The following TFIP11 variants were observed in gnomAD, a reference collection of about 807,000 sequenced individuals.
The protein encoded by TFIP11 is tuftelin-interacting protein 11.
A neutral mutation model predicts 96.8 loss-of-function variants in TFIP11; 86 were observed. That is an observed-to-expected ratio of 0.89 (90% CI 0.75 to 1.06). The LOEUF (loss-of-function observed/expected upper bound fraction) is 1.06, where lower values mean the gene tolerates loss of function less well. Ranked by LOEUF, TFIP11 falls within the 50% of genes least tolerant of loss-of-function variation. TFIP11 has a pLI of 0.00. For missense variants in TFIP11, 881 were observed against 1,076.7 expected (o/e 0.82, Z 2.54); for synonymous variants, 405 against 395.2 (o/e 1.02, Z -0.29).
chr22:26,503,363 T>C (rs949377659), intron 7 of TFIP11, among the ~76,000 whole-genome samples: 3 of 152,186 alleles, frequency 2.0e-5, no homozygotes, highest in Admixed American at 6.5e-5. Context: ...CCCAAAAGGT[T>C]TCCCTGACCA....
At chr22:26,510,429 A>T in intron 3 of TFIP11, 148 bp from the exon 4 acceptor site, 1 of 744,346 alleles carries the variant, frequency 1.3e-6, no homozygotes, top group Non-Finnish European at 2.2e-6. Context: ...AATAAAAAAG[A>T]TATTAAAAAC....
intron 3 of TFIP11, 95 bp from the exon 4 acceptor site, chr22:26,510,376 CTT>C: frequency 8.4e-7 from 1 of 1,193,672 alleles, no homozygotes; most frequent in Non-Finnish European, 1.2e-6. Context: ...GCTTTCAGAA[CTT>C]TCTCCAAATT....
At chr22:26,504,543 A>G (rs988338334) in intron 6 of TFIP11, among the ~76,000 whole-genome samples, 2 of 151,946 alleles carry the variant, frequency 1.3e-5, no homozygotes, top group African/African-American at 2.4e-5. Flanking sequence ...TTAGCCAGGC[A>G]CAGCAGAGTG....
rs1344472200 is a variant in TFIP11 at position 26,496,253 on chromosome 22, G to A, written c.1669C>T (p.Pro557Ser). 1 of 1,613,886 alleles carries A rather than the reference G, an allele frequency of 6.2e-7. No individual in the cohort carries two copies. Among genetic ancestry groups the A allele is most frequent in the East Asian group, 2.2e-5 (1 of 44,878 alleles). Residue 557 changes from proline to serine, a missense_variant, in exon 12 of 15, where the codon CCC becomes TCC. By Grantham distance (74) the Pro-to-Ser change is moderately conservative. Transcript: ENST00000407690. ...PIHSWIHPWL[P>S]LMQARLEPLY... ...GGCTCCAGCCGTGCCTGCATAAGGG[G>A]CAGCCATGGGTGGATCCAAGAGTGG...
intron 11 of TFIP11, 85 bp downstream of exon 11, chr22:26,496,636 T>C (rs1922091795): frequency 1.3e-6 from 2 of 1,504,530 alleles, no homozygotes; most frequent in Non-Finnish European, 1.8e-6. Context: ...CCAGGCGTTT[T>C]AACAGCACTG....
At chr22:26,505,458 C>T (rs1923280937) in intron 6 of TFIP11, among the ~76,000 whole-genome samples, 1 of 152,030 alleles carries the variant, frequency 6.6e-6, no homozygotes, top group Non-Finnish European at 1.5e-5. Flanking sequence ...AAATTAAAAC[C>T]CTTGTGAGTA....
rs192024413 is a variant in TFIP11 at position 26,495,467 on chromosome 22, G to A, written c.1850-528C>T. Among the ~76,000 whole-genome samples the A allele has an allele frequency of 9.9e-5, 15 of 150,828 alleles. No homozygotes were observed. In the East Asian group the frequency reaches 2.9e-3, roughly 29 times the overall value. ...TGGTTTGTATTTTTGGTAGAGATGG[G>A]GTTTCACCATGTTGCTCAGGCTGTA... On this transcript the variant is annotated intron_variant, in intron 12 of 14. Transcript: ENST00000407690.
At position 26,502,172 on chromosome 22, in the gene TFIP11, A is replaced by AT. The variant is rs1363761620; in HGVS notation, c.649-121dup. On this transcript the variant is annotated intron_variant, in intron 7 of 14. Coordinates refer to ENST00000407690, the MANE Select transcript of TFIP11 (RefSeq NM_012143.4). ...TGTCTTAGATTTATTTACAAGCTCT[A>AT]TATGAAGGAAGGAAAGGATGCACCT... 15 of 1,276,932 alleles carry AT rather than the reference A, an allele frequency of 1.2e-5. No homozygotes were observed. The Admixed American group carries it at 2.9e-4, about 25-fold the overall frequency. 79.1% of individuals were successfully genotyped at this position (1,276,932 alleles called of 1,614,324 possible).
chr22:26,511,305 GC>G (rs1924026441), intron 2 of TFIP11: 1 of 149,464 alleles, frequency 6.7e-6, no homozygotes, highest in Non-Finnish European at 1.5e-5. Flanking sequence ...TTATATTCTT[GC>G]CGTGCTGGCA....
chr22:26,510,191 C>T lies in TFIP11; in HGVS notation c.82G>A (p.Asp28Asn). 6.2e-7 allele frequency: 1 copy of T among 1,614,186 alleles called. No homozygotes were observed. The highest frequency in any genetic ancestry group is 1.1e-5 in the South Asian group (1 of 91,076). ...DDERENFEIT[D>N]WDLQNEFNPN... is the part of the protein sequence containing the mutation. ...TTGAACTCATTCTGGAGATCCCAGTCAGTGATCTCAAAGTTCTCCCGCTCG... is the reference window on the plus strand; with the variant it reads ...TTGAACTCATTCTGGAGATCCCAGTTAGTGATCTCAAAGTTCTCCCGCTCG... Residue 28 changes from aspartate to asparagine, a missense_variant, in exon 4 of 15, where the codon GAC (aspartate) becomes AAC (asparagine). Coordinates refer to ENST00000407690, the MANE Select transcript of TFIP11 (RefSeq NM_012143.4).
At chr22:26,507,450 T>A (rs192833480) in intron 4 of TFIP11, among the ~76,000 whole-genome samples, 1 of 151,888 alleles carries the variant, frequency 6.6e-6, no homozygotes. Context: ...ATGGTGAGAC[T>A]TCGTCTCTAT....
Position 26,499,106 on chromosome 22 carries a change from T to C in TFIP11, c.1327A>G (p.Lys443Glu). The change falls in exon 9 of 15, where the codon AAA (lysine) becomes GAA (glutamate). Residue 443 changes from lysine to glutamate, a missense_variant and splice_region_variant. Transcript: ENST00000407690. The stretch of plus-strand genomic sequence containing the variant: ...GGTTGATTTTCCCAGCAACTCACTT[T>C]GAGGGGATCCCACTCCTTGAAGTAC... ...KEYFKEWDPL[K>E]DCTYGTEIIS... 6.3e-7 allele frequency: 1 copy of C among 1,589,764 alleles called. No individual in the cohort carries two copies. The highest frequency in any genetic ancestry group is 8.6e-7 in the Non-Finnish European group (1 of 1,164,540).
At position 26,494,277 on chromosome 22, in the gene TFIP11, G is replaced by A. The variant is rs760636378; in HGVS notation, c.2020C>T (p.Pro674Ser). 2 of 1,614,064 alleles carry A rather than the reference G, an allele frequency of 1.2e-6. No individual in the cohort carries two copies. The highest frequency in any genetic ancestry group is 1.7e-6 in the Non-Finnish European group (2 of 1,180,024). The change falls in exon 14 of 15, where the codon CCA becomes TCA. Residue 674 changes from proline (P) to serine (S), a missense_variant. Physicochemically the swap from Pro to Ser is moderately conservative, Grantham distance 74 (BLOSUM62 -1). Transcript: ENST00000407690. ...QVLCSWLSNS[P>S]NYEEITKWYL... ...CACTTGGTGATCTCCTCATAATTTGGGCTGTTACTGAGCCAAGAGCACAGC... is the reference window on the plus strand; with the variant it reads ...CACTTGGTGATCTCCTCATAATTTGAGCTGTTACTGAGCCAAGAGCACAGC...
chr22:26,496,331 G>A lies in TFIP11; in HGVS notation c.1606-15C>T, dbSNP rs746031055. 1.3e-5 allele frequency: 21 copies of A among 1,582,078 alleles called. No homozygotes were observed. Among genetic ancestry groups the A allele is most frequent in the Non-Finnish European group, 1.6e-5 (19 of 1,159,914 alleles). ...CAGTTTTCCACCTGCGAAGTGGGGA[G>A]GAGAAACAGTTCATGTCGCCTGTGG... On this transcript the variant is annotated splice_polypyrimidine_tract_variant and intron_variant, in intron 11 of 14. Coordinates refer to ENST00000407690, the MANE Select transcript of TFIP11 (RefSeq NM_012143.4).
chr22:26,498,541 C>CAAAAAAA (rs10716815), intron 10 of TFIP11, among the ~76,000 whole-genome samples: 1 of 83,604 alleles, frequency 1.2e-5, no homozygotes, highest in African/African-American at 4.7e-5. Context: ...GACTCCATCT[C>CAAAAAAA]AAAAAAAAAA....
Position 26,496,232 on chromosome 22 carries a change from C to G in TFIP11, c.1690G>C (p.Glu564Gln). Residue 564 changes from glutamate (E) to glutamine (Q), a missense_variant, in exon 12 of 15, where the codon GAG (glutamate) becomes CAG (glutamine). By Grantham distance (29) the Glu-to-Gln change is conservative (BLOSUM62 2). Transcript: ENST00000407690. ...PWLPLMQARL[E>Q]PLYSPIRSKL... ...CTACGGATGGGGGAATAGAGTGGCT[C>G]CAGCCGTGCCTGCATAAGGGGCAGC... 6.2e-7 allele frequency: 1 copy of G among 1,613,872 alleles called. No individual in the cohort carries two copies. The highest frequency in any genetic ancestry group is 8.5e-7 in the Non-Finnish European group (1 of 1,179,960).
intron 5 of TFIP11, 73 bp downstream of exon 5, chr22:26,506,702 G>A (rs1371848952): frequency 5.1e-6 from 8 of 1,568,678 alleles, no homozygotes; most frequent in African/African-American, 1.4e-5. Context: ...GTTTCTCCCT[G>A]GCTAGAAAAT....
rs575055761 is a variant in TFIP11 at position 26,491,780 on chromosome 22, A to G, written c.*233T>C. Reference sequence around the variant, plus strand: ...GAGAACTCCTTTGCCAGGAAAGAACATCAACTTGGCTGTCCTGTTTTGAGG... The same window carrying G: ...GAGAACTCCTTTGCCAGGAAAGAACGTCAACTTGGCTGTCCTGTTTTGAGG... On this transcript the variant is annotated 3_prime_UTR_variant, in exon 15 of 15. Transcript: ENST00000407690. 47 of 1,108,814 alleles carry G rather than the reference A, an allele frequency of 4.2e-5. No individual in the cohort carries two copies. In the East Asian group the frequency reaches 9.4e-4, roughly 22 times the overall value. 68.7% of individuals were successfully genotyped at this position (1,108,814 alleles called of 1,614,324 possible). A position where few individuals can be genotyped will look rare whatever the true frequency, so the allele number is the denominator to read the frequency against.
intron 14 of TFIP11, 166 bp from the exon 15 acceptor site, chr22:26,492,534 G>T: frequency 1.6e-6 from 1 of 622,484 alleles, no homozygotes. Flanking sequence ...CGACTGGCCA[G>T]TATCACATAA....
Sources: gnomAD v4.1 joint callset for allele counts (sites outside exome capture counted in the v4.1 genomes callset) on GRCh38, gnomAD v4.1.1 for gene constraint, MANE v1.5 for transcripts, NCBI Gene and HGNC (gene_info 2026-07-23, HGNC 2026-07-21) for gene names.